The following TUSC3 variants were observed in gnomAD, a reference collection of about 807,000 sequenced individuals.
The protein encoded by TUSC3 is dolichyl-diphosphooligosaccharide--protein glycosyltransferase subunit TUSC3.
Under a neutral mutation model 44.8 loss-of-function variants are expected in TUSC3, and 45 were observed. That is an observed-to-expected ratio of 1.00 (90% CI 0.79 to 1.29). The LOEUF (loss-of-function observed/expected upper bound fraction) is 1.29. TUSC3 is among the 50% of genes most tolerant of loss of function. TUSC3 has a pLI of 0.00. For synonymous variants in TUSC3, 212 were observed against 152.9 expected, an observed-to-expected ratio of 1.39 and a Z score of -2.85; for missense variants, 519 against 437.9, an observed-to-expected ratio of 1.19 and a Z score of -1.65.
the TUSC3 span, among the ~76,000 whole-genome samples, chr8:15,775,647 T>TAC: frequency 1.8e-5 from 2 of 113,220 alleles, no homozygotes; most frequent in East Asian, 3.2e-4. Flanking sequence ...TATATATATA[T>TAC]ATACACACAC....
chr8:15,575,985 A>G (rs549328626), intron 1 of TUSC3, among the ~76,000 whole-genome samples: 2 of 152,078 alleles, frequency 1.3e-5, no homozygotes, highest in Non-Finnish European at 2.9e-5. Context: ...ATAACTGAGT[A>G]ATATAACTGT....
the TUSC3 span, among the ~76,000 whole-genome samples, chr8:15,809,520 T>C: frequency 3.9e-5 from 6 of 152,280 alleles, no homozygotes; most frequent in South Asian, 1.2e-3. Flanking sequence ...AAACTGTAGA[T>C]TGTATCTAGT....
At chr8:15,487,930 G>A (rs538746754) in intron 2 of TUSC3, among the ~76,000 whole-genome samples, 1 of 147,106 alleles carries the variant, frequency 6.8e-6, no homozygotes, top group Non-Finnish European at 1.5e-5. Flanking sequence ...CTGAAAAGAA[G>A]AGTAGCAGCA....
chr8:15,481,113 T>C (rs1800654088), intron 1 of TUSC3, among the ~76,000 whole-genome samples: 1 of 151,896 alleles, frequency 6.6e-6, no homozygotes, highest in East Asian at 1.9e-4. Flanking sequence ...CCCAGTGTGG[T>C]GGTGCATGAC....
the TUSC3 span, among the ~76,000 whole-genome samples, chr8:15,823,985 A>C: frequency 6.6e-6 from 1 of 152,368 alleles, no homozygotes; most frequent in East Asian, 1.9e-4. Flanking sequence ...TGCAAGAAGC[A>C]GTGTCTTCTA....
At chr8:15,666,614 G>A (rs73526696) in intron 5 of TUSC3, among the ~76,000 whole-genome samples, 4,334 of 151,442 alleles carry the variant, frequency 0.029, 63 homozygotes, top group East Asian at 0.049. Context: ...AATGGGGGTA[G>A]AAAAGGGTCT....
intron 5 of TUSC3, among the ~76,000 whole-genome samples, chr8:15,666,722 C>T (rs964935831): frequency 6.6e-6 from 1 of 150,874 alleles, no homozygotes; most frequent in African/African-American, 2.4e-5. Flanking sequence ...CAAGTAATTT[C>T]TGATAATATT....
intron 1 of TUSC3, among the ~76,000 whole-genome samples, chr8:15,456,179 C>G (rs542226772): frequency 2.0e-5 from 3 of 152,276 alleles, no homozygotes; most frequent in East Asian, 3.9e-4. Flanking sequence ...AACTTCACAG[C>G]CTTCAATGAG....
Position 15,545,546 on chromosome 8 carries a change from C to G in TUSC3, c.138+4978C>G, listed in dbSNP as rs1022294987. ...GATGGTCCAGAACAAGTCAGTCAGT[C>G]CCTGCATTAGCAAGTTGTGTTAGAA... On this transcript the variant is annotated intron_variant, in intron 1 of 10. Transcript: ENST00000503731. Among the ~76,000 whole-genome samples, 3 of 151,720 alleles carry G rather than the reference C, an allele frequency of 2.0e-5. 1 individual carries two copies. The highest frequency in any genetic ancestry group is 7.2e-5 in the African/African-American group (3 of 41,398).
At chr8:15,704,603 C>G (rs1454772380) in intron 6 of TUSC3, among the ~76,000 whole-genome samples, 1 of 151,142 alleles carries the variant, frequency 6.6e-6, no homozygotes, top group Admixed American at 6.7e-5. Context: ...CGCTGGTTCT[C>G]CACAGAACAC....
At chr8:15,690,879 A>G (rs569234196) in intron 6 of TUSC3, among the ~76,000 whole-genome samples, 11 of 151,814 alleles carry the variant, frequency 7.2e-5, no homozygotes, top group Non-Finnish European at 7.4e-5. Context: ...TTGTACCGGT[A>G]CAATGGTGTT....
the TUSC3 span, among the ~76,000 whole-genome samples, chr8:15,794,955 A>G: frequency 6.6e-6 from 1 of 152,150 alleles, no homozygotes; most frequent in African/African-American, 2.4e-5. Flanking sequence ...TTATCTCCCA[A>G]CATCTGCCCC....
chr8:15,758,981 C>G (rs1455240281), intron 10 of TUSC3, among the ~76,000 whole-genome samples: 2 of 152,098 alleles, frequency 1.3e-5, no homozygotes, highest in African/African-American at 4.8e-5. Context: ...GTTTAGCAAT[C>G]TTCTATTACA....
chr8:15,551,551 T>G (rs1706783072), intron 1 of TUSC3, among the ~76,000 whole-genome samples: 1 of 151,792 alleles, frequency 6.6e-6, no homozygotes, highest in African/African-American at 2.4e-5. Flanking sequence ...AAATTTACAC[T>G]CATTATTTTT....
chr8:15,435,857 T>C (rs1460863867), intron 1 of TUSC3, among the ~76,000 whole-genome samples: 1 of 152,216 alleles, frequency 6.6e-6, no homozygotes, highest in Non-Finnish European at 1.5e-5. Flanking sequence ...ATGTATTTTC[T>C]ATCTTTGTAA....
chr8:15,795,447 C>T, the TUSC3 span, among the ~76,000 whole-genome samples: 1 of 152,158 alleles, frequency 6.6e-6, no homozygotes, highest in African/African-American at 2.4e-5. Context: ...TTCCAATGCA[C>T]AGATAACTGC....
chr8:15,559,428 T>G (rs1802377759), intron 1 of TUSC3, among the ~76,000 whole-genome samples: 1 of 148,212 alleles, frequency 6.7e-6, no homozygotes, highest in South Asian at 2.2e-4. Context: ...TCCAAGTATG[T>G]GGTCAATTTT....
At chr8:15,709,641 A>G (rs1033814214) in intron 6 of TUSC3, among the ~76,000 whole-genome samples, 4 of 151,876 alleles carry the variant, frequency 2.6e-5, no homozygotes, top group African/African-American at 7.2e-5. Flanking sequence ...GATGATGATG[A>G]TAAATTACCT....
At chr8:15,747,350 G>C (rs1811461168) in intron 8 of TUSC3, among the ~76,000 whole-genome samples, 1 of 151,874 alleles carries the variant, frequency 6.6e-6, no homozygotes, top group African/African-American at 2.4e-5. Flanking sequence ...TCTCTGAAGT[G>C]AATAAAAGGT....
Sources: allele counts gnomAD v4.1 joint callset (sites outside exome capture counted in the v4.1 genomes callset), GRCh38; gene constraint gnomAD v4.1.1; transcripts MANE v1.5; gene names NCBI Gene and HGNC (gene_info 2026-07-23, HGNC 2026-07-21).